TRHDE: variants seen among roughly 807,000 people sequenced by gnomAD.
TRHDE encodes the protein thyrotropin releasing hormone degrading enzyme.
A neutral mutation model predicts 125.7 loss-of-function variants in TRHDE; 72 were observed. That is an observed-to-expected ratio of 0.57 (90% CI 0.47 to 0.70). The LOEUF (loss-of-function observed/expected upper bound fraction) is 0.70. Among genes scored for constraint, TRHDE ranks in the 30% least tolerant of loss-of-function variants. The probability of loss-of-function intolerance (pLI) is 0.00; values close to 1 mark genes in which losing one functional copy is unlikely to be tolerated. For synonymous variants in TRHDE, 509 were observed against 509.1 expected (o/e 1.00, Z 0.00); for missense variants, 1,110 against 1,327.1 (o/e 0.84, Z 2.54).
intron 6 of TRHDE, among the ~76,000 whole-genome samples, chr12:72,502,428 G>A (rs1028013411): frequency 2.0e-5 from 3 of 151,950 alleles, no homozygotes; most frequent in South Asian, 2.1e-4. Context: ...TATTCAGAGT[G>A]TATTATTTAG....
chr12:72,222,109 G>T (rs1399542755), intron 2 of TRHDE, among the ~76,000 whole-genome samples: 1 of 152,046 alleles, frequency 6.6e-6, no homozygotes, highest in Non-Finnish European at 1.5e-5. Flanking sequence ...ATTGTATTTT[G>T]TGACTGAGCT....
At chr12:72,126,036 T>A (rs911690326) in intron 2 of TRHDE, among the ~76,000 whole-genome samples, 2 of 152,124 alleles carry the variant, frequency 1.3e-5, no homozygotes, top group Non-Finnish European at 2.9e-5. Flanking sequence ...TCCTTGAGTA[T>A]TTAGCAGAGT....
intron 15 of TRHDE, among the ~76,000 whole-genome samples, chr12:72,649,932 G>A (rs921158818): frequency 5.3e-5 from 8 of 152,046 alleles, no homozygotes; most frequent in Non-Finnish European, 1.2e-4. Context: ...CTGCTTATGC[G>A]AATGCAAAAT....
At chr12:72,628,849 T>C (rs1243413671) in intron 15 of TRHDE, among the ~76,000 whole-genome samples, 1 of 151,842 alleles carries the variant, frequency 6.6e-6, no homozygotes, top group East Asian at 1.9e-4. Context: ...TATACCTGAA[T>C]ATAGACAAGA....
At chr12:72,386,684 T>C (rs1231715621) in intron 3 of TRHDE, among the ~76,000 whole-genome samples, 2 of 152,136 alleles carry the variant, frequency 1.3e-5, no homozygotes, top group African/African-American at 4.8e-5. Flanking sequence ...TCTTGTCTTT[T>C]GAATGCATTT....
intron 2 of TRHDE, among the ~76,000 whole-genome samples, chr12:72,116,022 C>G (rs1435314833): frequency 6.6e-6 from 1 of 152,092 alleles, no homozygotes; most frequent in Non-Finnish European, 1.5e-5. Context: ...CCCACTTACC[C>G]TCTGACAGGC....
chr12:72,247,544 A>G (rs1193099926), intron 2 of TRHDE, among the ~76,000 whole-genome samples: 2 of 152,178 alleles, frequency 1.3e-5, no homozygotes, highest in African/African-American at 4.8e-5. Context: ...AGGCCTGGCC[A>G]TTGTTATTTT....
intron 5 of TRHDE, among the ~76,000 whole-genome samples, chr12:72,479,711 T>C (rs914776229): frequency 2.8e-4 from 43 of 151,230 alleles, no homozygotes; most frequent in African/African-American, 9.9e-4. Context: ...GTGCACAATG[T>C]GCAGGTTAGT....
At chr12:72,503,954 G>C (rs1465178669) in intron 6 of TRHDE, among the ~76,000 whole-genome samples, 4 of 152,212 alleles carry the variant, frequency 2.6e-5, no homozygotes, top group African/African-American at 4.8e-5. Context: ...TCTGTGATGT[G>C]AGACAAAAGT....
At chr12:72,244,250 C>CA (rs1878533906) in intron 2 of TRHDE, among the ~76,000 whole-genome samples, 2 of 152,166 alleles carry the variant, frequency 1.3e-5, no homozygotes. Flanking sequence ...GTTACACTGA[C>CA]ATACTTCATA....
chr12:72,521,369 G>C (rs1431232371), intron 6 of TRHDE, among the ~76,000 whole-genome samples: 1 of 152,118 alleles, frequency 6.6e-6, no homozygotes, highest in East Asian at 1.9e-4. Flanking sequence ...AACAGCATAA[G>C]GAGCTCAGAA....
chr12:72,370,398 A>G (rs73342674), intron 2 of TRHDE, among the ~76,000 whole-genome samples: 2,052 of 152,258 alleles, frequency 0.013, 64 homozygotes, highest in African/African-American at 0.046. Flanking sequence ...ACTGCAGCCA[A>G]TGTAGTCTGC....
At chr12:72,232,623 G>A (rs977489693) in intron 2 of TRHDE, among the ~76,000 whole-genome samples, 1 of 152,124 alleles carries the variant, frequency 6.6e-6, no homozygotes, top group African/African-American at 2.4e-5. Context: ...TCTAGGTGGT[G>A]AGAAATTTGA....
At position 72,568,672 on chromosome 12, in the gene TRHDE, T is replaced by TC; in HGVS notation, c.2131+20dup. 6.5e-7 allele frequency: 1 copy of TC among 1,549,510 alleles called. No homozygotes were observed. The highest frequency in any genetic ancestry group is 8.9e-7 in the Non-Finnish European group (1 of 1,125,422). ...AACAAATCAGGTAAACTATATATTC[T>TC]CCCCTGAGGAAGTATCTGGTTTCAG... On this transcript the variant is annotated intron_variant, in intron 10 of 18. Coordinates refer to ENST00000261180, the MANE Select transcript of TRHDE (RefSeq NM_013381.3).
chr12:72,572,798 CT>C (rs2136024613), intron 10 of TRHDE, among the ~76,000 whole-genome samples: 1 of 151,956 alleles, frequency 6.6e-6, no homozygotes, highest in East Asian at 1.9e-4. Flanking sequence ...TATATCATAT[CT>C]ATAAGTTGTT....
At position 72,272,857 on chromosome 12, in the gene TRHDE, C is replaced by A; in HGVS notation, c.214C>A (p.Pro72Thr). Residue 72 changes from proline to threonine, a missense_variant, in exon 1 of 19, where the codon CCC becomes ACC. This residue lies in a region of TRHDE where 248 missense variants were observed against 240.8 expected (regional missense o/e 1.03). Transcript: ENST00000261180. The surrounding 1 kb of genome is among the most constrained non-coding windows in gnomAD (Gnocchi z 6.7). ...GTGGGCAGACTCAGTGGGAGTGCGA[C>A]CCCGCACCACGGAGCGCCACATCGC... ...DPWADSVGVR[P>T]RTTERHIAVH... The A allele has an allele frequency of 6.3e-7, 1 of 1,581,726 alleles. No homozygotes were observed. The highest frequency in any genetic ancestry group is 1.3e-5 in the African/African-American group (1 of 74,874).
chr12:72,263,787 A>C (rs1203596273), intron 2 of TRHDE: 2 of 152,192 alleles, frequency 1.3e-5, no homozygotes, highest in Admixed American at 1.3e-4. Context: ...AAAAATACTT[A>C]AAACTTTTTT....
At chr12:72,412,523 G>T (rs920153232) in intron 3 of TRHDE, among the ~76,000 whole-genome samples, 1 of 151,964 alleles carries the variant, frequency 6.6e-6, no homozygotes, top group African/African-American at 2.4e-5. Context: ...AGTTGAAGAT[G>T]GGCCTGTCCT....
chr12:72,223,972 G>T (rs1323929600), intron 2 of TRHDE, among the ~76,000 whole-genome samples: 2 of 151,782 alleles, frequency 1.3e-5, no homozygotes, highest in East Asian at 3.9e-4. Flanking sequence ...ATTGAGGCCA[G>T]ACGTAAAGGA....
Sources: allele counts gnomAD v4.1 joint callset (sites outside exome capture counted in the v4.1 genomes callset), GRCh38; gene constraint gnomAD v4.1.1; regional missense constraint gnomAD v4.1.1; non-coding constraint Gnocchi (gnomAD v3.1); transcripts MANE v1.5; gene names NCBI Gene and HGNC (gene_info 2026-07-23, HGNC 2026-07-21).